The following AGBL1 variants were observed in gnomAD, a reference collection of about 807,000 sequenced individuals.
AGBL1 encodes cytosolic carboxypeptidase 4.
Under a neutral mutation model 118.9 loss-of-function variants are expected in AGBL1, and 130 were observed. That is an observed-to-expected ratio of 1.09 (90% CI 0.95 to 1.26). AGBL1 has a LOEUF of 1.26. Ranked by LOEUF, AGBL1 falls within the 50% of genes most tolerant of loss-of-function variation. The probability of loss-of-function intolerance (pLI) is 0.00; values close to 1 mark genes in which losing one functional copy is unlikely to be tolerated. For missense variants in AGBL1, 1,584 were observed against 1,298.1 expected (o/e 1.22, Z -3.38); for synonymous variants, 555 against 478.9 (o/e 1.16, Z -2.08).
At chr15:86,674,590 A>C (rs1396242726) in intron 22 of AGBL1, among the ~76,000 whole-genome samples, 154 bp downstream of exon 22, 1 of 152,184 alleles carries the variant, frequency 6.6e-6, no homozygotes, top group Non-Finnish European at 1.5e-5. Flanking sequence ...CTCGTTTCCT[A>C]CTGATGAAAA....
chr15:86,887,023 G>A (rs149344003), intron 22 of AGBL1, among the ~76,000 whole-genome samples: 426 of 152,276 alleles, frequency 2.8e-3, no homozygotes, highest in Non-Finnish European at 4.0e-3. Flanking sequence ...AATGCTCACA[G>A]AGTTCCCACA....
chr15:86,338,134 G>A (rs754656076), intron 17 of AGBL1, among the ~76,000 whole-genome samples: 15 of 152,190 alleles, frequency 9.9e-5, no homozygotes, highest in Non-Finnish European at 1.6e-4. Context: ...ATGGGGACAT[G>A]GGCTCTGAAT....
intron 3 of AGBL1, among the ~76,000 whole-genome samples, chr15:86,152,986 G>A (rs973808346): frequency 6.6e-6 from 1 of 152,152 alleles, no homozygotes; most frequent in Non-Finnish European, 1.5e-5. Context: ...AATTAGAATG[G>A]TAATCATTAA....
rs568851919 is a variant in AGBL1 at position 86,586,879 on chromosome 15, A to C, written c.2994+32342A>C. The stretch of plus-strand genomic sequence containing the variant: ...GTTAAGGGGGGGTCTGTTATTTGTC[A>C]TGTGATGCCATGTTAGAGTCTGGTT... On this transcript the variant is annotated intron_variant, in intron 21 of 22. Transcript: ENST00000614907. 1.4e-4 allele frequency among the ~76,000 whole-genome samples: 21 copies of C among 152,220 alleles called. No homozygotes were observed. The East Asian group carries it at 3.7e-3, about 27-fold the overall frequency.
chr15:86,764,220 G>C (rs1233810719), intron 22 of AGBL1, among the ~76,000 whole-genome samples: 2 of 151,994 alleles, frequency 1.3e-5, no homozygotes, highest in African/African-American at 4.8e-5. Context: ...AGGGATTGAA[G>C]GGCAGGGGAG....
At chr15:86,826,993 C>G (rs565005905) in intron 22 of AGBL1, among the ~76,000 whole-genome samples, 9 of 151,784 alleles carry the variant, frequency 5.9e-5, no homozygotes, top group African/African-American at 2.2e-4. Flanking sequence ...ATCAAGGTGA[C>G]TTTTGATTAA....
intron 18 of AGBL1, among the ~76,000 whole-genome samples, chr15:86,515,777 T>A (rs1325819037): frequency 6.6e-6 from 1 of 152,214 alleles, no homozygotes; most frequent in Admixed American, 6.5e-5. Flanking sequence ...GTTGTTGGTC[T>A]TGTGAACACA....
At chr15:87,006,788 C>T (rs183612708) in intron 24 of AGBL1, among the ~76,000 whole-genome samples, 17 of 152,266 alleles carry the variant, frequency 1.1e-4, no homozygotes, top group Admixed American at 1.0e-3. Flanking sequence ...GAGCTGTAGA[C>T]TGGAGCTGTT....
intron 18 of AGBL1, among the ~76,000 whole-genome samples, chr15:86,433,253 C>T (rs371073578): frequency 0.017 from 2,164 of 130,180 alleles, 19 homozygotes; most frequent in African/African-American, 0.036. Context: ...TCCTCCTCCT[C>T]CTCCTCCTTC....
At chr15:86,220,219 T>C (rs901459554) in intron 5 of AGBL1, among the ~76,000 whole-genome samples, 2 of 152,218 alleles carry the variant, frequency 1.3e-5, no homozygotes, top group African/African-American at 2.4e-5. Context: ...CCCAAAGTGC[T>C]GGGATTACAG....
At chr15:86,563,355 A>G (rs575946343) in intron 21 of AGBL1, among the ~76,000 whole-genome samples, 1 of 152,076 alleles carries the variant, frequency 6.6e-6, no homozygotes, top group Non-Finnish European at 1.5e-5. Context: ...GTTTGTTCTC[A>G]TTGGTTTCAA....
chr15:86,836,829 A>G (rs1284105786), intron 22 of AGBL1, among the ~76,000 whole-genome samples: 2 of 152,296 alleles, frequency 1.3e-5, no homozygotes, highest in East Asian at 3.9e-4. Flanking sequence ...ACCTTCTGCA[A>G]CTTCCCAGAT....
chr15:86,979,014 A>C (rs6496379), intron 23 of AGBL1, among the ~76,000 whole-genome samples: 112,084 of 152,042 alleles, frequency 0.74, 41,430 homozygotes, highest in South Asian at 0.86. Context: ...GGAACTGGTG[A>C]AGGCACAGGC....
chr15:86,339,437 C>T (rs934803891), intron 17 of AGBL1, among the ~76,000 whole-genome samples: 1 of 152,040 alleles, frequency 6.6e-6, no homozygotes, highest in Non-Finnish European at 1.5e-5. Context: ...CTTTTTGGCT[C>T]CACCATCTTT....
intron 1 of AGBL1, among the ~76,000 whole-genome samples, chr15:86,125,458 A>G (rs111492834): frequency 2.2e-4 from 34 of 152,282 alleles, no homozygotes; most frequent in African/African-American, 7.9e-4. Context: ...CTTGTTTTGC[A>G]GCTGCGTTGA....
At chr15:86,708,218 C>T (rs1457645762) in intron 22 of AGBL1, among the ~76,000 whole-genome samples, 9 of 151,882 alleles carry the variant, frequency 5.9e-5, no homozygotes, top group Non-Finnish European at 1.0e-4. Context: ...GGATTGGACC[C>T]AATATTTGGA....
At chr15:86,851,622 G>A (rs576206388) in intron 22 of AGBL1, among the ~76,000 whole-genome samples, 21 of 152,162 alleles carry the variant, frequency 1.4e-4, no homozygotes, top group South Asian at 6.2e-4. Context: ...CATGAAACCC[G>A]CAAATTCTTC....
At chr15:87,002,262 A>T (rs2081447966) in intron 24 of AGBL1, among the ~76,000 whole-genome samples, 1 of 151,968 alleles carries the variant, frequency 6.6e-6, no homozygotes, top group Admixed American at 6.6e-5. Context: ...TGTTTTTGTC[A>T]GGTTTGTCAA....
rs1472224085 is a variant in AGBL1 at position 86,351,276 on chromosome 15, C to T, written c.2375-46090C>T. Among the ~76,000 whole-genome samples, 4 of 152,122 alleles carry T rather than the reference C, an allele frequency of 2.6e-5. No homozygotes were observed. In the East Asian group the frequency reaches 7.7e-4, roughly 29 times the overall value. ...GCTGAATTTGTCCTTTTATAACAAA[C>T]CCACTCCTATGATAACAGCATTAAT... On this transcript the variant is annotated intron_variant, in intron 17 of 22. Transcript: ENST00000614907.
Sources: allele counts gnomAD v4.1 joint callset (sites outside exome capture counted in the v4.1 genomes callset), GRCh38; gene constraint gnomAD v4.1.1; transcripts MANE v1.5; gene names NCBI Gene and HGNC (gene_info 2026-07-23, HGNC 2026-07-21).